Variants in IMPG1 observed in about 807,000 individuals in gnomAD.
IMPG1 encodes interphotoreceptor matrix proteoglycan of 150 kDa.
IMPG1 carries 85 observed loss-of-function variants against 92.0 expected under a neutral mutation model. The ratio of observed to expected loss-of-function variants is 0.92; its 90% CI spans 0.78 to 1.11. The LOEUF is 1.11. Ranked by LOEUF, IMPG1 falls within the 50% of genes least tolerant of loss-of-function variation. The pLI is 0.00. For synonymous variants in IMPG1, 367 were observed against 334.1 expected, an observed-to-expected ratio of 1.10 and a Z score of -1.08; for missense variants, 1,022 against 956.0, an observed-to-expected ratio of 1.07 and a Z score of -0.91.
intron 12 of IMPG1, among the ~76,000 whole-genome samples, chr6:75,995,420 T>C (rs187602802): frequency 1.3e-5 from 2 of 152,334 alleles, no homozygotes; most frequent in Admixed American, 1.3e-4. Flanking sequence ...ATTCCTGTGC[T>C]CTAGCTACGA....
chr6:75,951,243 G>A, intron 12 of IMPG1, 149 bp from the exon 13 acceptor site: 2 of 634,630 alleles, frequency 3.2e-6, no homozygotes, highest in South Asian at 2.1e-5. Context: ...TTTTAAAGAA[G>A]AGAAATTGGA....
rs111426413 is a variant in IMPG1, at chr6:76,043,971, C to T, written c.68-1845G>A. ...GGTTTGGCTGACTTAAGCCATGTGC[C>T]TGGAGCAAGACCAGTTGCAAGGCAT... On this transcript the variant is annotated intron_variant, in intron 1 of 16. Coordinates refer to ENST00000369950, the MANE Select transcript of IMPG1 (RefSeq NM_001563.4). Among the ~76,000 whole-genome samples, 446 of 152,342 alleles carry T rather than the reference C, an allele frequency of 2.9e-3. 3 individuals carry two copies. The highest frequency in any genetic ancestry group is 6.8e-3 in the Middle Eastern group (2 of 294).
chr6:75,924,684 T>A (rs1472978417), intron 15 of IMPG1, among the ~76,000 whole-genome samples: 1 of 4,728 alleles, frequency 2.1e-4, no homozygotes, highest in African/African-American at 5.9e-4. Flanking sequence ...ATATTATATA[T>A]TATATATAAA....
At chr6:75,939,350 TC>T (rs199840005) in intron 14 of IMPG1, among the ~76,000 whole-genome samples, 3 of 151,850 alleles carry the variant, frequency 2.0e-5, no homozygotes, top group African/African-American at 4.8e-5. Flanking sequence ...CCCTCCCTGC[TC>T]CCCCCCACCC....
rs143737772 is a variant in IMPG1, at chr6:75,990,182, G to A, written c.1291+12736C>T. On this transcript the variant is annotated intron_variant, in intron 12 of 16. Transcript: ENST00000369950. ...AAATGCTGACTTTAGATGATATTTA[G>A]TAAGCATATTATTACAATTCTGTGG... Among the ~76,000 whole-genome samples the A allele has an allele frequency of 9.8e-3, 1,492 of 152,274 alleles. 25 individuals carry two copies. The highest frequency in any genetic ancestry group is 0.034 in the African/African-American group (1,415 of 41,546).
chr6:75,924,932 A>G (rs2149448098), intron 15 of IMPG1, among the ~76,000 whole-genome samples: 1 of 150,340 alleles, frequency 6.7e-6, no homozygotes, highest in South Asian at 2.1e-4. Context: ...GATCTTATAG[A>G]AATACAAAAT....
chr6:75,970,925 C>A (rs1210286898), intron 12 of IMPG1, among the ~76,000 whole-genome samples: 1 of 152,126 alleles, frequency 6.6e-6, no homozygotes, highest in Non-Finnish European at 1.5e-5. Flanking sequence ...CCTCAGGGAT[C>A]TAGAACTAGA....
chr6:76,066,822 T>C (rs993474435), intron 1 of IMPG1, among the ~76,000 whole-genome samples: 3 of 152,064 alleles, frequency 2.0e-5, no homozygotes, highest in South Asian at 2.1e-4. Context: ...AATCAATAAA[T>C]TTAAATAAAT....
intron 12 of IMPG1, among the ~76,000 whole-genome samples, chr6:75,985,371 G>A (rs1782696837): frequency 6.6e-6 from 1 of 152,172 alleles, no homozygotes; most frequent in South Asian, 2.1e-4. Flanking sequence ...GGTTAAAGAG[G>A]CAGAGAAAGG....
At chr6:76,007,739 T>C (rs1783122055) in intron 8 of IMPG1, among the ~76,000 whole-genome samples, 1 of 152,222 alleles carries the variant, frequency 6.6e-6, no homozygotes, top group South Asian at 2.1e-4. Context: ...GATTAGGATT[T>C]GAGCCTTAGT....
intron 15 of IMPG1, among the ~76,000 whole-genome samples, chr6:75,924,482 TTATAA>T (rs1321391502): frequency 3.6e-4 from 29 of 80,974 alleles, no homozygotes; most frequent in African/African-American, 9.2e-4. Context: ...TAATTATATA[TTATAA>T]TATAATATAA....
At chr6:76,042,766 C>T (rs1281959523) in intron 1 of IMPG1, among the ~76,000 whole-genome samples, 1 of 152,232 alleles carries the variant, frequency 6.6e-6, no homozygotes, top group East Asian at 1.9e-4. Flanking sequence ...AAGGGGGAGG[C>T]TGGCAGAGAA....
At chr6:75,976,627 C>T (rs2149467923) in intron 12 of IMPG1, among the ~76,000 whole-genome samples, 1 of 151,826 alleles carries the variant, frequency 6.6e-6, no homozygotes, top group Middle Eastern at 3.4e-3. Context: ...TATTAGAATC[C>T]TTGGCCAGGT....
At chr6:75,973,438 G>C (rs1782455744) in intron 12 of IMPG1, among the ~76,000 whole-genome samples, 1 of 152,132 alleles carries the variant, frequency 6.6e-6, no homozygotes, top group Non-Finnish European at 1.5e-5. Context: ...TTTATTGCCT[G>C]TTGACTTTGT....
chr6:75,922,098 T>G lies in IMPG1; in HGVS notation c.2385A>C (p.Glu795Asp), dbSNP rs1229799411. 1 of 1,326,068 alleles carries G rather than the reference T, an allele frequency of 7.5e-7. No homozygotes were observed. Among genetic ancestry groups the G allele is most frequent in the Non-Finnish European group, 1.1e-6 (1 of 930,982 alleles). 82.1% of individuals were successfully genotyped at this position (1,326,068 alleles called of 1,614,324 possible). A position where few individuals can be genotyped will look rare whatever the true frequency, so the allele number is the denominator to read the frequency against. The change falls in exon 17 of 17, where the codon GAA becomes GAC. Residue 795 changes from glutamate (E) to aspartate (D), a missense_variant. Physicochemically the swap from Glu to Asp is conservative, Grantham distance 45 (BLOSUM62 2). Coordinates refer to ENST00000369950, the MANE Select transcript of IMPG1 (RefSeq NM_001563.4). ...EYEEFNHQDWEGN is the reference protein window; with the variant it reads ...EYEEFNHQDWDGN ...TGTACATTTTCAGTTTTTAATTTCC[T>G]TCCCAATCTTGATGGTTAAATTCTT...
chr6:76,017,673 G>A (rs1348171861), intron 7 of IMPG1, among the ~76,000 whole-genome samples: 1 of 152,020 alleles, frequency 6.6e-6, no homozygotes, highest in African/African-American at 2.4e-5. Flanking sequence ...GGTCATCTAG[G>A]CATAGAGCAG....
At position 75,921,393 on chromosome 6, in the gene IMPG1, C is replaced by T. The variant is rs1781426005; in HGVS notation, c.*696G>A. On this transcript the variant is annotated 3_prime_UTR_variant, in exon 17 of 17. Coordinates refer to ENST00000369950, the MANE Select transcript of IMPG1 (RefSeq NM_001563.4). ...CTTCGCCCTTCTCCCAACATAGCAT[C>T]TTCTTTAAAATAGCTTTGTGTAGTA... The T allele has an allele frequency of 6.6e-6, 1 of 152,218 alleles. No homozygotes were observed. The highest frequency in any genetic ancestry group is 1.5e-5 in the Non-Finnish European group (1 of 68,046). 9.4% of individuals were successfully genotyped at this position (152,218 alleles called of 1,614,324 possible).
intron 12 of IMPG1, among the ~76,000 whole-genome samples, chr6:75,969,233 G>A (rs150086187): frequency 9.2e-5 from 14 of 152,150 alleles, no homozygotes; most frequent in Non-Finnish European, 1.8e-4. Flanking sequence ...AAGAGATCAC[G>A]TGTATAACAT....
intron 1 of IMPG1, among the ~76,000 whole-genome samples, chr6:76,050,098 G>A (rs192457256): frequency 3.9e-5 from 6 of 152,260 alleles, no homozygotes; most frequent in African/African-American, 1.2e-4. Context: ...AAGGATGTGA[G>A]TGGCAGTTCT....
Sources: allele counts gnomAD v4.1 joint callset (sites outside exome capture counted in the v4.1 genomes callset), GRCh38; gene constraint gnomAD v4.1.1; transcripts MANE v1.5; gene names NCBI Gene and HGNC (gene_info 2026-07-23, HGNC 2026-07-21).